The following SLC49A4 variants were observed in gnomAD, a reference collection of about 807,000 sequenced individuals.
The protein encoded by SLC49A4 is disrupted in renal cancer protein 2.
A neutral mutation model predicts 50.6 loss-of-function variants in SLC49A4; 36 were observed. The observed-to-expected ratio is 0.71, with a 90% CI of 0.55 to 0.94. SLC49A4 has a LOEUF of 0.94. Among genes scored for constraint, SLC49A4 ranks in the 40% least tolerant of loss-of-function variants. The probability of loss-of-function intolerance (pLI) is 0.00; values close to 1 mark genes in which losing one functional copy is unlikely to be tolerated. For synonymous variants in SLC49A4, 248 were observed against 241.2 expected, an observed-to-expected ratio of 1.03 and a Z score of -0.26; for missense variants, 503 against 605.7, an observed-to-expected ratio of 0.83 and a Z score of 1.78.
chr3:122,812,769 T>A (rs940424671), intron 2 of SLC49A4, among the ~76,000 whole-genome samples: 3 of 152,202 alleles, frequency 2.0e-5, no homozygotes, highest in Non-Finnish European at 4.4e-5. Flanking sequence ...ATGTCTTATT[T>A]TAAAGCAGAT....
intron 4 of SLC49A4, among the ~76,000 whole-genome samples, chr3:122,834,128 G>A (rs1259721242): frequency 6.6e-6 from 1 of 152,094 alleles, no homozygotes; most frequent in African/African-American, 2.4e-5. Context: ...TTTTTTCACA[G>A]GTAGTTGTTA....
At chr3:122,875,658 G>C (rs143363805) in intron 8 of SLC49A4, among the ~76,000 whole-genome samples, 2 of 152,054 alleles carry the variant, frequency 1.3e-5, no homozygotes, top group Admixed American at 6.5e-5. Flanking sequence ...AGCCTAGAAG[G>C]CCTGATTTTT....
intron 4 of SLC49A4, among the ~76,000 whole-genome samples, chr3:122,840,269 C>T (rs1033826441): frequency 6.6e-6 from 1 of 152,124 alleles, no homozygotes; most frequent in Non-Finnish European, 1.5e-5. Context: ...TAACAAACTC[C>T]ATATTGGGTA....
At chr3:122,803,354 G>GCACT (rs1313514184) in intron 1 of SLC49A4, among the ~76,000 whole-genome samples, 6 of 152,182 alleles carry the variant, frequency 3.9e-5, no homozygotes, top group African/African-American at 9.7e-5. Flanking sequence ...TTATGCCTGA[G>GCACT]CACTCCAGAA....
chr3:122,878,223 CA>C (rs1370873016), intron 8 of SLC49A4, among the ~76,000 whole-genome samples: 2 of 152,138 alleles, frequency 1.3e-5, no homozygotes, highest in Non-Finnish European at 2.9e-5. Context: ...AAACCCATAA[CA>C]GTGACCAAAA....
At chr3:122,865,441 G>T (rs1028109625) in intron 7 of SLC49A4, among the ~76,000 whole-genome samples, 2 of 152,098 alleles carry the variant, frequency 1.3e-5, no homozygotes, top group Admixed American at 1.3e-4. Context: ...ATCAGAAGTA[G>T]GTTATGAAGG....
At chr3:122,857,284 T>TAAAAA (rs10694942) in intron 6 of SLC49A4, among the ~76,000 whole-genome samples, 1 of 109,374 alleles carries the variant, frequency 9.1e-6, no homozygotes. Context: ...CCATTCGTTC[T>TAAAAA]AAAAAAAAAA....
intron 5 of SLC49A4, among the ~76,000 whole-genome samples, chr3:122,849,606 G>T (rs1309641452): frequency 6.6e-6 from 1 of 151,888 alleles, no homozygotes; most frequent in Non-Finnish European, 1.5e-5. Context: ...TTGTATATTT[G>T]TTGGCCATTA....
At chr3:122,839,768 G>A (rs1393475439) in intron 4 of SLC49A4, among the ~76,000 whole-genome samples, 1 of 152,148 alleles carries the variant, frequency 6.6e-6, no homozygotes. Context: ...GGTGAAAAGG[G>A]AATGCTTATA....
At chr3:122,824,667 T>C (rs1576296947) in intron 2 of SLC49A4, among the ~76,000 whole-genome samples, 1 of 149,764 alleles carries the variant, frequency 6.7e-6, no homozygotes, top group Non-Finnish European at 1.5e-5. Context: ...CTCTCGTCTT[T>C]CCTTCCTTCC....
chr3:122,857,476 A>G (rs1396992788), intron 6 of SLC49A4, among the ~76,000 whole-genome samples: 1 of 152,142 alleles, frequency 6.6e-6, no homozygotes, highest in Non-Finnish European at 1.5e-5. Context: ...ATTTGGGAAG[A>G]TCAAATATAA....
intron 7 of SLC49A4, 33 bp from the exon 8 acceptor site, chr3:122,872,382 T>C (rs750804441): frequency 6.4e-7 from 1 of 1,564,888 alleles, no homozygotes; most frequent in Non-Finnish European, 8.7e-7. Context: ...CTGCCGCTAG[T>C]GTGAAACTAA....
At chr3:122,837,528 A>G (rs1409420911) in intron 4 of SLC49A4, among the ~76,000 whole-genome samples, 1 of 152,176 alleles carries the variant, frequency 6.6e-6, no homozygotes, top group Non-Finnish European at 1.5e-5. Context: ...CTGAAACTGG[A>G]TCCCTTCCTT....
intron 7 of SLC49A4, among the ~76,000 whole-genome samples, chr3:122,868,053 T>C (rs1937142153): frequency 6.6e-6 from 1 of 152,066 alleles, no homozygotes; most frequent in South Asian, 2.1e-4. Flanking sequence ...AGGCAGAGCT[T>C]TCAGTGAGCC....
chr3:122,823,436 G>A (rs1052402088), intron 2 of SLC49A4, among the ~76,000 whole-genome samples: 4 of 152,202 alleles, frequency 2.6e-5, no homozygotes, highest in Non-Finnish European at 5.9e-5. Context: ...ATAGGGCAAG[G>A]CCTAACTATT....
At chr3:122,875,491 C>T (rs1937255019) in intron 8 of SLC49A4, among the ~76,000 whole-genome samples, 2 of 152,104 alleles carry the variant, frequency 1.3e-5, no homozygotes, top group Non-Finnish European at 2.9e-5. Context: ...GCTGGGACCA[C>T]AAGCATGTGC....
At chr3:122,795,959 A>G (rs1219340743) in intron 1 of SLC49A4, among the ~76,000 whole-genome samples, 1 of 152,194 alleles carries the variant, frequency 6.6e-6, no homozygotes, top group Non-Finnish European at 1.5e-5. Context: ...GTAAGGAAAT[A>G]ATGAGTTCGT....
chr3:122,801,972 TTC>T (rs1936140493), intron 1 of SLC49A4, among the ~76,000 whole-genome samples: 1 of 152,134 alleles, frequency 6.6e-6, no homozygotes, highest in African/African-American at 2.4e-5. Context: ...GGATTTATCC[TTC>T]TGTCTTAATT....
Position 122,798,904 on chromosome 3 carries a change from G to A in SLC49A4, c.343+3369G>A, listed in dbSNP as rs77897827. Among the ~76,000 whole-genome samples the A allele has an allele frequency of 3.3e-5, 5 of 152,072 alleles. No individual in the cohort carries two copies. In the East Asian group the frequency reaches 9.7e-4, roughly 29 times the overall value. On this transcript the variant is annotated intron_variant, in intron 1 of 8. Coordinates refer to ENST00000261038, the MANE Select transcript of SLC49A4 (RefSeq NM_032839.3). ...GGCACCAAAATATCTTGCACCCTGG[G>A]GGGTAGGTGGTTGTTTGGCCTTTGT...
Sources: gnomAD v4.1 joint callset for allele counts (sites outside exome capture counted in the v4.1 genomes callset) on GRCh38, gnomAD v4.1.1 for gene constraint, MANE v1.5 for transcripts, NCBI Gene and HGNC (gene_info 2026-07-23, HGNC 2026-07-21) for gene names.